Variants in ATP2B2 observed in about 807,000 individuals in gnomAD.
The protein encoded by ATP2B2 is plasma membrane calcium-transporting ATPase 2.
A neutral mutation model predicts 120.0 loss-of-function variants in ATP2B2; 15 were observed. The ratio of observed to expected loss-of-function variants is 0.12; its 90% CI spans 0.08 to 0.19. The LOEUF (loss-of-function observed/expected upper bound fraction) is 0.19, where lower values mean the gene tolerates loss of function less well. Among genes scored for constraint, ATP2B2 ranks in the 10% least tolerant of loss-of-function variants. The pLI is 1.00. For synonymous variants in ATP2B2, 694 were observed against 700.3 expected, an observed-to-expected ratio of 0.99 and a Z score of 0.14; for missense variants, 1,045 against 1,719.8, an observed-to-expected ratio of 0.61 and a Z score of 6.94.
At chr3:10,545,277 C>T (rs987768426) in intron 2 of ATP2B2, among the ~76,000 whole-genome samples, 17 of 152,172 alleles carry the variant, frequency 1.1e-4, no homozygotes, top group Admixed American at 2.0e-4. Context: ...TGCCTGTAAT[C>T]CCAGCACTTT....
At chr3:10,605,339 A>G (rs73811945) in intron 2 of ATP2B2, among the ~76,000 whole-genome samples, 2,414 of 152,256 alleles carry the variant, frequency 0.016, 72 homozygotes, top group African/African-American at 0.053. Flanking sequence ...TATCATCTCT[A>G]TTCTACATAT....
chr3:10,673,357 G>A (rs1027398169), intron 1 of ATP2B2, among the ~76,000 whole-genome samples: 5 of 151,832 alleles, frequency 3.3e-5, no homozygotes, highest in Non-Finnish European at 7.4e-5. Context: ...TTCTTCAAGG[G>A]TCCTCACATC....
chr3:10,438,848 C>T (rs570023877), intron 2 of ATP2B2, among the ~76,000 whole-genome samples: 24 of 152,342 alleles, frequency 1.6e-4, no homozygotes, highest in South Asian at 1.0e-3. Flanking sequence ...CAACATTTCT[C>T]ACCCCTTAGG....
chr3:10,654,339 C>T (rs62240225), intron 1 of ATP2B2, among the ~76,000 whole-genome samples: 7,720 of 152,196 alleles, frequency 0.051, 286 homozygotes, highest in Middle Eastern at 0.12. Flanking sequence ...TAACCCAGGG[C>T]CTACTTAGAA....
At chr3:10,459,787 G>A (rs778759221) in intron 1 of ATP2B2, among the ~76,000 whole-genome samples, 1 of 152,228 alleles carries the variant, frequency 6.6e-6, no homozygotes, top group Admixed American at 6.5e-5. Flanking sequence ...CCTTCACAAC[G>A]ATGCTTTGCA....
intron 1 of ATP2B2, among the ~76,000 whole-genome samples, chr3:10,477,366 T>A (rs2065243590): frequency 6.6e-6 from 1 of 152,274 alleles, no homozygotes; most frequent in South Asian, 2.1e-4. Flanking sequence ...AATTTTTTCA[T>A]CTACGTTTCT....
chr3:10,660,011 G>A (rs1484989903), intron 1 of ATP2B2, among the ~76,000 whole-genome samples: 7 of 152,116 alleles, frequency 4.6e-5, no homozygotes, highest in African/African-American at 1.4e-4. Context: ...GATACATAAC[G>A]AAATGAAGGC....
chr3:10,547,739 C>T lies in ATP2B2; in HGVS notation c.-414-13606G>A, dbSNP rs1174040223. The stretch of plus-strand genomic sequence containing the variant: ...TATTAGTCCTCAGGGAGGCTGCAGG[C>T]ATGGACTTTCCAAGTCCCTGTCTAG... On this transcript the variant is annotated intron_variant, in intron 2 of 21. Coordinates refer to the ATP2B2 transcript ENST00000646379. Among the ~76,000 whole-genome samples the T allele has an allele frequency of 2.0e-5, 3 of 152,300 alleles. No individual in the cohort carries two copies. The East Asian group carries it at 5.8e-4, about 29-fold the overall frequency.
At chr3:10,388,577 A>G (rs570913380) in intron 5 of ATP2B2, among the ~76,000 whole-genome samples, 175 bp from the exon 6 acceptor site, 1 of 152,190 alleles carries the variant, frequency 6.6e-6, no homozygotes, top group South Asian at 2.1e-4. Flanking sequence ...AGATGCTTTC[A>G]CCTCAGGACA....
rs1266611340 is a variant in ATP2B2, at chr3:10,327,766, C to G, written c.*1048G>C. ...GCCTTCTCTCCTCCTCTCCCTTCGT[C>G]TACGGAGCATGTTGTTAAACCCCTC... On this transcript the variant is annotated 3_prime_UTR_variant, in exon 23 of 23. Coordinates refer to ENST00000360273, the MANE Select transcript of ATP2B2 (RefSeq NM_001001331.4). 2 of 152,690 alleles carry G rather than the reference C, an allele frequency of 1.3e-5. No homozygotes were observed. Among genetic ancestry groups the G allele is most frequent in the Non-Finnish European group, 1.5e-5 (1 of 68,054 alleles). 9.5% of individuals were successfully genotyped at this position (152,690 alleles called of 1,614,324 possible).
intron 12 of ATP2B2, among the ~76,000 whole-genome samples, chr3:10,370,377 A>T (rs1244515589): frequency 6.6e-6 from 1 of 152,210 alleles, no homozygotes; most frequent in Non-Finnish European, 1.5e-5. Context: ...TATTTTAGGA[A>T]GTCCTGGGGA....
chr3:10,407,197 G>A (rs1575141144), intron 3 of ATP2B2, among the ~76,000 whole-genome samples: 1 of 152,272 alleles, frequency 6.6e-6, no homozygotes, highest in East Asian at 1.9e-4. Flanking sequence ...GTGGGGGTGG[G>A]GATGCTGTGT....
chr3:10,605,718 G>A (rs143708867), intron 2 of ATP2B2, among the ~76,000 whole-genome samples: 4,310 of 151,146 alleles, frequency 0.029, 94 homozygotes, highest in South Asian at 0.12. Context: ...GTGCAATATC[G>A]GCTCACTGCA....
intron 2 of ATP2B2, among the ~76,000 whole-genome samples, chr3:10,592,026 G>A (rs2068656093): frequency 6.6e-6 from 1 of 152,194 alleles, no homozygotes; most frequent in Admixed American, 6.5e-5. Context: ...ACCTCAAGGT[G>A]GAGAAGGAGA....
chr3:10,686,005 G>A (rs554187661), intron 1 of ATP2B2, among the ~76,000 whole-genome samples: 3 of 147,234 alleles, frequency 2.0e-5, no homozygotes, highest in Admixed American at 1.3e-4. Context: ...ATTCCAGCTC[G>A]TCTTTCTTCC....
chr3:10,328,782 G>A lies in ATP2B2; in HGVS notation c.*32C>T. 1.3e-6 allele frequency: 2 copies of A among 1,578,064 alleles called. No individual in the cohort carries two copies. Among genetic ancestry groups the A allele is most frequent in the Middle Eastern group, 1.7e-4 (1 of 5,908 alleles). On this transcript the variant is annotated 3_prime_UTR_variant, in exon 23 of 23. Coordinates refer to ENST00000360273, the MANE Select transcript of ATP2B2 (RefSeq NM_001001331.4). ...GAAAGCGGGTGGCAGCGGGGTCCAT[G>A]AGGGCGGGCGGGCAGGCGAGAGGGT...
intron 2 of ATP2B2, among the ~76,000 whole-genome samples, chr3:10,592,560 A>AT (rs559744009): frequency 3.9e-5 from 6 of 151,916 alleles, no homozygotes; most frequent in African/African-American, 1.2e-4. Flanking sequence ...CCTTGCAGAC[A>AT]TTTTTTTTCC....
At chr3:10,604,970 T>C (rs1012748288) in intron 2 of ATP2B2, among the ~76,000 whole-genome samples, 2 of 152,362 alleles carry the variant, frequency 1.3e-5, no homozygotes, top group Admixed American at 6.5e-5. Flanking sequence ...CCTCCTGGAA[T>C]GCCCTTTTTA....
At chr3:10,560,461 A>G (rs113089657) in intron 2 of ATP2B2, among the ~76,000 whole-genome samples, 16,767 of 129,026 alleles carry the variant, frequency 0.13, 1,051 homozygotes, top group African/African-American at 0.19. Flanking sequence ...GCTGAAAAGC[A>G]CTTCAAATGC....
Sources: gnomAD v4.1 joint callset for allele counts (sites outside exome capture counted in the v4.1 genomes callset) on GRCh38, gnomAD v4.1.1 for gene constraint, MANE v1.5 for transcripts, NCBI Gene and HGNC (gene_info 2026-07-23, HGNC 2026-07-21) for gene names.